IL1RAPL2: variants seen among roughly 807,000 people sequenced by gnomAD.
The protein encoded by IL1RAPL2 is X-linked interleukin-1 receptor accessory protein-like 2.
IL1RAPL2 carries 3 observed loss-of-function variants against 44.1 expected under a neutral mutation model. The ratio of observed to expected loss-of-function variants is 0.07; its 90% CI spans 0.03 to 0.18. The LOEUF (loss-of-function observed/expected upper bound fraction) is 0.18, where lower values mean the gene tolerates loss of function less well. Ranked by LOEUF, IL1RAPL2 falls within the 10% of genes least tolerant of loss-of-function variation. The pLI, the probability that IL1RAPL2 is intolerant of heterozygous loss-of-function variation, is 1.00. For missense variants in IL1RAPL2, 391 were observed against 496.4 expected (o/e 0.79, Z 2.02); for synonymous variants, 181 against 178.8 (o/e 1.01, Z -0.10).
intron 1 of IL1RAPL2, among the ~76,000 whole-genome samples, chrX:104,591,957 G>A (rs185533716): frequency 9.5e-4 from 104 of 109,796 alleles, no homozygotes; most frequent in Non-Finnish European, 5.9e-4. Flanking sequence ...TTGTGATATC[G>A]CCTAAGAATG....
intron 2 of IL1RAPL2, among the ~76,000 whole-genome samples, chrX:105,087,333 C>G: frequency 9.0e-6 from 1 of 111,636 alleles, no homozygotes; most frequent in East Asian, 2.8e-4. Flanking sequence ...TGTTATTTCC[C>G]CCTCTTCCAT....
chrX:104,760,401 A>G (rs1460206261), intron 2 of IL1RAPL2, among the ~76,000 whole-genome samples: 1 of 112,118 alleles, frequency 8.9e-6, no homozygotes, highest in Admixed American at 9.4e-5. Flanking sequence ...TCCCACTAAC[A>G]GTGCAGAAGG....
At chrX:104,896,155 A>G (rs1382579024) in intron 2 of IL1RAPL2, among the ~76,000 whole-genome samples, 4 of 111,814 alleles carry the variant, frequency 3.6e-5, no homozygotes, top group African/African-American at 1.3e-4. Flanking sequence ...GTTGGGCAAC[A>G]TGGCTTCTCC....
At chrX:105,342,520 T>C (rs1003483475) in intron 5 of IL1RAPL2, among the ~76,000 whole-genome samples, 1 of 111,549 alleles carries the variant, frequency 9.0e-6, no homozygotes, top group Non-Finnish European at 1.9e-5. Flanking sequence ...TCTAGTACAA[T>C]TGTCCTCAAA....
intron 2 of IL1RAPL2, among the ~76,000 whole-genome samples, chrX:105,001,581 C>G (rs748636916): frequency 1.8e-5 from 2 of 111,306 alleles, no homozygotes; most frequent in Non-Finnish European, 3.8e-5. Flanking sequence ...ACCATTCTAA[C>G]CAGAAGAGAG....
chrX:105,386,300 GA>G (rs945955395), intron 5 of IL1RAPL2, among the ~76,000 whole-genome samples: 3 of 111,245 alleles, frequency 2.7e-5, no homozygotes, highest in East Asian at 2.8e-4. Context: ...TTGTCTTACT[GA>G]AAAAAATCAC....
chrX:105,308,825 C>A (rs2034772407), intron 5 of IL1RAPL2, among the ~76,000 whole-genome samples: 1 of 111,111 alleles, frequency 9.0e-6, no homozygotes, highest in African/African-American at 3.3e-5. Flanking sequence ...ATTGTTGGGA[C>A]AAAAAGTAGG....
At chrX:104,724,614 C>T (rs1931751885) in intron 2 of IL1RAPL2, among the ~76,000 whole-genome samples, 1 of 111,144 alleles carries the variant, frequency 9.0e-6, no homozygotes, top group South Asian at 3.8e-4. Context: ...TGTAATGAAA[C>T]TGGAGAGCCC....
chrX:105,279,431 A>G (rs1182770465), intron 5 of IL1RAPL2, among the ~76,000 whole-genome samples: 1 of 111,549 alleles, frequency 9.0e-6, no homozygotes, highest in African/African-American at 3.3e-5. Flanking sequence ...TGCTGCACAC[A>G]TTACTATGAT....
At chrX:105,710,109 C>T (rs1410266118) in intron 6 of IL1RAPL2, among the ~76,000 whole-genome samples, 1 of 111,608 alleles carries the variant, frequency 9.0e-6, no homozygotes, top group Non-Finnish European at 1.9e-5. Context: ...AGGCAAATAA[C>T]TATGAACATA....
intron 2 of IL1RAPL2, among the ~76,000 whole-genome samples, chrX:104,690,524 A>G (rs1260684363): frequency 1.8e-5 from 2 of 112,484 alleles, no homozygotes; most frequent in African/African-American, 6.5e-5. Flanking sequence ...GTGGTAATGC[A>G]TAGGTAATTT....
At chrX:105,526,825 T>C (rs1233084835) in intron 6 of IL1RAPL2, among the ~76,000 whole-genome samples, 1 of 111,661 alleles carries the variant, frequency 9.0e-6, no homozygotes, top group Non-Finnish European at 1.9e-5. Flanking sequence ...CTTTGTATTG[T>C]CTGGTTCTTT....
intron 6 of IL1RAPL2, among the ~76,000 whole-genome samples, chrX:105,579,593 A>G (rs149213358): frequency 0.014 from 1,540 of 111,379 alleles, 10 homozygotes; most frequent in Middle Eastern, 0.042. Context: ...CTTTATTATG[A>G]GACAGATACT....
intron 6 of IL1RAPL2, among the ~76,000 whole-genome samples, chrX:105,644,085 G>A (rs764178986): frequency 9.0e-6 from 1 of 110,647 alleles, no homozygotes; most frequent in African/African-American, 3.3e-5. Context: ...TAGAGACAGG[G>A]TTTCACCGTG....
intron 2 of IL1RAPL2, among the ~76,000 whole-genome samples, chrX:104,813,503 G>A: frequency 9.0e-6 from 1 of 111,312 alleles, no homozygotes; most frequent in Non-Finnish European, 1.9e-5. Flanking sequence ...TCGGGCTTGT[G>A]TTGTATGTAC....
chrX:105,724,742 C>G (rs980614831), intron 7 of IL1RAPL2, among the ~76,000 whole-genome samples: 6 of 112,170 alleles, frequency 5.3e-5, no homozygotes, highest in Non-Finnish European at 1.9e-5. Context: ...ACAATCTGCT[C>G]TCTGCCAAGC....
intron 2 of IL1RAPL2, among the ~76,000 whole-genome samples, chrX:104,704,209 T>C (rs1931327267): frequency 8.9e-6 from 1 of 111,747 alleles, no homozygotes; most frequent in African/African-American, 3.3e-5. Context: ...CCTCTAAGAA[T>C]AGGTGAAAAG....
chrX:104,804,831 T>G (rs73635160), intron 2 of IL1RAPL2, among the ~76,000 whole-genome samples: 6,020 of 112,282 alleles, frequency 0.054, 412 homozygotes, highest in African/African-American at 0.19. Context: ...TTAAATTGGG[T>G]TTTCTTCTTT....
intron 2 of IL1RAPL2, among the ~76,000 whole-genome samples, chrX:104,841,000 C>T (rs1921887404): frequency 1.8e-5 from 2 of 110,928 alleles, no homozygotes; most frequent in South Asian, 3.8e-4. Context: ...TAAAGTCTCC[C>T]ACTGTTATTG....
Sources: allele counts gnomAD v4.1 joint callset (sites outside exome capture counted in the v4.1 genomes callset), GRCh38; gene constraint gnomAD v4.1.1; transcripts MANE v1.5; gene names NCBI Gene and HGNC (gene_info 2026-07-23, HGNC 2026-07-21).